MRPL42: variants seen among roughly 807,000 people sequenced by gnomAD.
The protein encoded by MRPL42 is large ribosomal subunit protein mL42.
In MRPL42, 17 loss-of-function variants were observed where a neutral mutation model predicts 17.9. That is an observed-to-expected ratio of 0.95 (90% confidence interval 0.65 to 1.42). The LOEUF (loss-of-function observed/expected upper bound fraction) is 1.42, where lower values mean the gene tolerates loss of function less well. Among genes scored for constraint, MRPL42 ranks in the 40% most tolerant of loss-of-function variants. The pLI is 0.00. For synonymous variants in MRPL42, 59 were observed against 54.4 expected (o/e 1.08, Z -0.37); for missense variants, 177 against 175.2 (o/e 1.01, Z -0.06).
rs1953646950 is a variant in MRPL42 at position 93,504,597 on chromosome 12, A to C, written c.*3376A>C. On this transcript the variant is annotated 3_prime_UTR_variant, in exon 6 of 6. Transcript: ENST00000549982. ...TGTATGTCTCATTTCAAAGCATATA[A>C]AGTATACAAGTTTCAGGTCCTAGCT... 1 of 152,214 alleles carries C rather than the reference A, an allele frequency of 6.6e-6. No individual in the cohort carries two copies. Among genetic ancestry groups the C allele is most frequent in the African/African-American group, 2.4e-5 (1 of 41,438 alleles). 9.4% of individuals were successfully genotyped at this position (152,214 alleles called of 1,614,324 possible). A position where few individuals can be genotyped will look rare whatever the true frequency, so the allele number is the denominator to read the frequency against.
intron 4 of MRPL42, among the ~76,000 whole-genome samples, chr12:93,482,914 CAG>C (rs1317247564): frequency 6.7e-6 from 1 of 148,582 alleles, no homozygotes; most frequent in Non-Finnish European, 1.5e-5. Flanking sequence ...TTTTTTGAGA[CAG>C]AGTCTCACTC....
chr12:93,480,466 A>G (rs190490890), intron 4 of MRPL42, among the ~76,000 whole-genome samples: 3 of 151,210 alleles, frequency 2.0e-5, no homozygotes, highest in Admixed American at 1.3e-4. Flanking sequence ...AAGTCATCAC[A>G]TGATGTATTT....
chr12:93,479,778 C>T (rs547288070), intron 4 of MRPL42, among the ~76,000 whole-genome samples: 12 of 151,626 alleles, frequency 7.9e-5, no homozygotes, highest in African/African-American at 1.7e-4. Flanking sequence ...AATGCATTAT[C>T]CCATGCTACC....
intron 5 of MRPL42, 72 bp from the exon 6 acceptor site, chr12:93,501,104 T>C (rs1365093624): frequency 3.3e-6 from 4 of 1,229,926 alleles, no homozygotes; most frequent in South Asian, 1.5e-5. Context: ...AAAATAATCA[T>C]AGAAGTTAGA....
intron 4 of MRPL42, among the ~76,000 whole-genome samples, chr12:93,485,857 GAGGGT>G (rs1565814307): frequency 6.6e-6 from 1 of 152,054 alleles, no homozygotes; most frequent in Non-Finnish European, 1.5e-5. Flanking sequence ...GCTCAGGCAG[GAGGGT>G]ACTGTGCAGT....
chr12:93,483,797 A>C (rs1375206949), intron 4 of MRPL42, among the ~76,000 whole-genome samples: 1 of 152,130 alleles, frequency 6.6e-6, no homozygotes, highest in Non-Finnish European at 1.5e-5. Context: ...AATAAACTTA[A>C]AAAAAATTTA....
At position 93,515,494 on chromosome 12, in the gene MRPL42, G is replaced by A. The variant is rs935221440; in HGVS notation, c.*14273G>A. 2 of 151,542 alleles carry A rather than the reference G, an allele frequency of 1.3e-5. No individual in the cohort carries two copies. Among genetic ancestry groups the A allele is most frequent in the African/African-American group, 4.9e-5 (2 of 41,162 alleles). 9.4% of individuals were successfully genotyped at this position (151,542 alleles called of 1,614,324 possible). A position where few individuals can be genotyped will look rare whatever the true frequency, so the allele number is the denominator to read the frequency against. On this transcript the variant is annotated 3_prime_UTR_variant, in exon 6 of 6. Coordinates refer to ENST00000549982, the MANE Select transcript of MRPL42 (RefSeq NM_014050.4). ...AGCAATTTTCGTGCCTCAACCTCCT[G>A]AGTAGCTGGGACTACAGGTGTGCAT...
In MRPL42 at chr12:93,469,982, T is replaced by C. The variant is rs866627748; in HGVS notation, c.70+627T>C. Among the ~76,000 whole-genome samples the C allele has an allele frequency of 7.1e-4, 105 of 147,936 alleles. No individual in the cohort carries two copies. The South Asian group carries it at 0.01, about 15-fold the overall frequency. On this transcript the variant is annotated intron_variant, in intron 2 of 5. Transcript: ENST00000549982. ...ATTACTTTTTTAGTATTTCTCTCTT[T>C]TTTTTTTTTTTAACGGAGTCTGGCT...
At chr12:93,476,461 G>A (rs1880184054) in intron 2 of MRPL42, among the ~76,000 whole-genome samples, 1 of 152,172 alleles carries the variant, frequency 6.6e-6, no homozygotes, top group Non-Finnish European at 1.5e-5. Flanking sequence ...GAGCCACTGT[G>A]CCTGGCCCCA....
chr12:93,489,656 C>T (rs1258103431), intron 5 of MRPL42, among the ~76,000 whole-genome samples: 1 of 152,152 alleles, frequency 6.6e-6, no homozygotes, highest in Non-Finnish European at 1.5e-5. Flanking sequence ...GCCTCAGCCT[C>T]CCAAGTAACT....
Position 93,484,999 on chromosome 12 carries a change from T to TACACACACATATATATAC in MRPL42, c.220-2497_220-2496insCACACACATATATATACA, listed in dbSNP as rs1565813832. On this transcript the variant is annotated intron_variant, in intron 4 of 5. Coordinates refer to ENST00000549982, the MANE Select transcript of MRPL42 (RefSeq NM_014050.4). ...ACACACATATATATATATATATATA[T>TACACACACATATATATAC]ATATATATATATATATATATATATA... 2.9e-5 allele frequency among the ~76,000 whole-genome samples: 2 copies of TACACACACATATATATAC among 69,406 alleles called. 1 individual carries two copies. The highest frequency in any genetic ancestry group is 5.2e-5 in the Non-Finnish European group (2 of 38,112). The allele number at this position is 69,406 out of a possible 152,430, so 45.5% of individuals were successfully genotyped here. A position where few individuals can be genotyped will look rare whatever the true frequency, so the allele number is the denominator to read the frequency against.
rs55824565 is a variant in MRPL42, at chr12:93,467,546, G to T, written c.-103G>T. 6.5e-6 allele frequency: 1 copy of T among 152,684 alleles called. No homozygotes were observed. The highest frequency in any genetic ancestry group is 1.5e-5 in the Non-Finnish European group (1 of 68,082). The allele number at this position is 152,684 out of a possible 1,614,324, so 9.5% of individuals were successfully genotyped here. ...CAAGATGGCGGGTTCGTGGTGAGAA[G>T]CCGTCAAGGTAACCGCTTCCCTCTA... is the stretch of plus-strand genomic sequence containing the variant. On this transcript the variant is annotated 5_prime_UTR_variant, in exon 1 of 6. Transcript: ENST00000549982.
chr12:93,478,745 T>C (rs892532265), intron 3 of MRPL42, among the ~76,000 whole-genome samples: 13 of 152,144 alleles, frequency 8.5e-5, no homozygotes, highest in African/African-American at 3.1e-4. Flanking sequence ...GAAACCACGG[T>C]GAAACAATCT....
At chr12:93,495,015 T>C (rs1953471945) in intron 5 of MRPL42, among the ~76,000 whole-genome samples, 2 of 152,186 alleles carry the variant, frequency 1.3e-5, no homozygotes, top group Non-Finnish European at 2.9e-5. Context: ...TTCGTGAAGT[T>C]CACGCTGTTT....
rs776468582 is a variant in MRPL42, at chr12:93,487,525, A to G, written c.248A>G (p.Asn83Ser). ...KPIPRPDPVH[N>S]NEETHDQVLK... is the part of the protein sequence containing the mutation. ...ATCCCTCGGCCAGATCCTGTGCATA[A>G]TAATGAAGAAACACATGATCAAGTG... is the stretch of plus-strand genomic sequence containing the variant. The change falls in exon 5 of 6, where the codon AAT becomes AGT. Residue 83 changes from asparagine to serine, a missense_variant. By Grantham distance (46) the Asn-to-Ser change is conservative. Coordinates refer to ENST00000549982, the MANE Select transcript of MRPL42 (RefSeq NM_014050.4). The G allele has an allele frequency of 1.1e-5, 18 of 1,613,736 alleles. No individual in the cohort carries two copies. The highest frequency in any genetic ancestry group is 1.4e-5 in the Non-Finnish European group (17 of 1,179,868).
rs561363806 is a variant in MRPL42 at position 93,512,813 on chromosome 12, T to G, written c.*11592T>G. On this transcript the variant is annotated 3_prime_UTR_variant, in exon 6 of 6. Transcript: ENST00000549982. ...AGAATGTCTACATACGGCAAATTCA[T>G]AGATCTGGAATCCATTTATGTCATC... 1 of 152,352 alleles carries G rather than the reference T, an allele frequency of 6.6e-6. No homozygotes were observed. Among genetic ancestry groups the G allele is most frequent in the East Asian group, 1.9e-4 (1 of 5,194 alleles). 9.4% of individuals were successfully genotyped at this position (152,352 alleles called of 1,614,324 possible).
intron 5 of MRPL42, among the ~76,000 whole-genome samples, chr12:93,496,309 T>C (rs1337777367): frequency 6.6e-6 from 1 of 152,034 alleles, no homozygotes; most frequent in African/African-American, 2.4e-5. Flanking sequence ...TCCACCCACC[T>C]CGGGCTCCCA....
At chr12:93,490,249 T>G (rs189781082) in intron 5 of MRPL42, among the ~76,000 whole-genome samples, 5 of 152,372 alleles carry the variant, frequency 3.3e-5, no homozygotes, top group Admixed American at 6.5e-5. Flanking sequence ...GACATTTGTG[T>G]CTAGTACCCT....
intron 5 of MRPL42, among the ~76,000 whole-genome samples, chr12:93,495,986 A>C (rs1302615555): frequency 3.9e-5 from 6 of 152,246 alleles, no homozygotes; most frequent in African/African-American, 1.4e-4. Context: ...CAATCATTTA[A>C]TACCCATACA....
Sources: allele counts gnomAD v4.1 joint callset (sites outside exome capture counted in the v4.1 genomes callset), GRCh38; gene constraint gnomAD v4.1.1; transcripts MANE v1.5; gene names NCBI Gene and HGNC (gene_info 2026-07-23, HGNC 2026-07-21).